Variants in NUDT3 observed in about 807,000 individuals in gnomAD.
The protein encoded by NUDT3 is diphosphoinositol polyphosphate phosphohydrolase 1.
A neutral mutation model predicts 23.6 loss-of-function variants in NUDT3; 9 were observed. The observed-to-expected ratio is 0.38, with a 90% CI of 0.23 to 0.66. The LOEUF is 0.66. NUDT3 is among the 30% of genes least tolerant of loss of function. The pLI is 0.52. For synonymous variants in NUDT3, 86 were observed against 82.6 expected (o/e 1.04, Z -0.22); for missense variants, 172 against 218.5 (o/e 0.79, Z 1.34).
At chr6:34,297,739 ATATATATATATATATATATAATTT>A (rs1561898973) in intron 2 of NUDT3, among the ~76,000 whole-genome samples, 2 of 99,146 alleles carry the variant, frequency 2.0e-5, no homozygotes, top group African/African-American at 1.0e-4. Context: ...AAATATATAT[ATATATATATATATATATATAATTT>A]TTTTTTTTTT....
At chr6:34,336,155 G>A (rs1161528343) in intron 2 of NUDT3, among the ~76,000 whole-genome samples, 3 of 152,018 alleles carry the variant, frequency 2.0e-5, no homozygotes, top group Non-Finnish European at 2.9e-5. Flanking sequence ...TGTAATCCCC[G>A]CTACTTGGGA....
chr6:34,312,994 C>T (rs1170490934), intron 2 of NUDT3, among the ~76,000 whole-genome samples: 1 of 151,810 alleles, frequency 6.6e-6, no homozygotes, highest in African/African-American at 2.4e-5. Flanking sequence ...TGGCGAAACC[C>T]CCTCTCTACT....
At chr6:34,316,979 T>C (rs1234107724) in intron 2 of NUDT3, among the ~76,000 whole-genome samples, 1 of 152,162 alleles carries the variant, frequency 6.6e-6, no homozygotes, top group Non-Finnish European at 1.5e-5. Context: ...TGAGTGGTGA[T>C]GGTGGCTTGG....
In NUDT3 at chr6:34,288,936, G is replaced by A. The variant is rs1029169497; in HGVS notation, c.341-5C>T. 4.4e-6 allele frequency: 7 copies of A among 1,595,606 alleles called. No homozygotes were observed. Among genetic ancestry groups the A allele is most frequent in the Non-Finnish European group, 6.0e-6 (7 of 1,173,528 alleles). On this transcript the variant is annotated splice_polypyrimidine_tract_variant and splice_region_variant and intron_variant, in intron 4 of 4. Transcript: ENST00000607016. ...TAAACCATTCCCTCTTCCTTCCTGT[G>A]GAGGCAGAGAGAAAAGAAACTAGTA...
At chr6:34,308,223 G>A (rs529161958) in intron 2 of NUDT3, among the ~76,000 whole-genome samples, 13 of 148,394 alleles carry the variant, frequency 8.8e-5, no homozygotes, top group Middle Eastern at 3.5e-3. Flanking sequence ...TTAGGGAGGC[G>A]GAGGTGGGAG....
At chr6:34,291,450 T>C (rs892269816) in intron 4 of NUDT3, among the ~76,000 whole-genome samples, 2 of 152,152 alleles carry the variant, frequency 1.3e-5, no homozygotes, top group African/African-American at 4.8e-5. Context: ...TGCTTGTGTA[T>C]GTCAGGATGT....
chr6:34,337,571 T>C (rs1764228178), intron 2 of NUDT3, among the ~76,000 whole-genome samples: 1 of 152,160 alleles, frequency 6.6e-6, no homozygotes, highest in African/African-American at 2.4e-5. Context: ...ATACCCTATA[T>C]CCTTCCTACT....
In NUDT3 at chr6:34,282,410, G is replaced by T. The variant is rs551316950; in HGVS notation, c.*6343C>A. The stretch of plus-strand genomic sequence containing the variant: ...GCCACGCGCCCCACCCTACAGGGAG[G>T]GGAGTAGAATCTTATGGCCCAGCAT... On this transcript the variant is annotated 3_prime_UTR_variant, in exon 5 of 5. Transcript: ENST00000607016. The T allele has an allele frequency of 6.6e-6, 1 of 152,114 alleles. No homozygotes were observed. Among genetic ancestry groups the T allele is most frequent in the Non-Finnish European group, 1.5e-5 (1 of 68,024 alleles). The allele number at this position is 152,114 out of a possible 1,614,324, so 9.4% of individuals were successfully genotyped here. A position where few individuals can be genotyped will look rare whatever the true frequency, so the allele number is the denominator to read the frequency against.
chr6:34,383,771 A>G (rs1224493312), intron 1 of NUDT3, among the ~76,000 whole-genome samples: 1 of 152,236 alleles, frequency 6.6e-6, no homozygotes, highest in Non-Finnish European at 1.5e-5. Context: ...TGGAGACTGC[A>G]GTATGAATTC....
At chr6:34,384,811 C>T (rs923026405) in intron 1 of NUDT3, among the ~76,000 whole-genome samples, 1 of 152,006 alleles carries the variant, frequency 6.6e-6, no homozygotes, top group African/African-American at 2.4e-5. Context: ...GTGGGAGGAT[C>T]GCTTGAGCTC....
chr6:34,334,737 C>T (rs2113729486), intron 2 of NUDT3, among the ~76,000 whole-genome samples: 1 of 152,084 alleles, frequency 6.6e-6, no homozygotes, highest in African/African-American at 2.4e-5. Flanking sequence ...CTAGGAGACC[C>T]TCGGCAACAT....
intron 1 of NUDT3, among the ~76,000 whole-genome samples, chr6:34,342,289 CAAAAAAAA>C (rs200954440): frequency 1.2e-3 from 79 of 66,492 alleles, no homozygotes; most frequent in Admixed American, 1.9e-3. Context: ...TAGAAGACTT[CAAAAAAAA>C]AAAAAAAAAA....
At chr6:34,328,551 T>A (rs1405498809) in intron 2 of NUDT3, among the ~76,000 whole-genome samples, 3 of 152,296 alleles carry the variant, frequency 2.0e-5, no homozygotes, top group Middle Eastern at 6.8e-3. Context: ...GTTAACAAGG[T>A]CTTGATCTGT....
At chr6:34,327,627 T>C (rs780570809) in intron 2 of NUDT3, among the ~76,000 whole-genome samples, 4 of 151,808 alleles carry the variant, frequency 2.6e-5, no homozygotes, top group Non-Finnish European at 4.4e-5. Context: ...ACCAGGAGTA[T>C]GGGAGGAACA....
intron 2 of NUDT3, among the ~76,000 whole-genome samples, chr6:34,313,262 A>G (rs1388351500): frequency 6.6e-6 from 1 of 152,184 alleles, no homozygotes; most frequent in Non-Finnish European, 1.5e-5. Flanking sequence ...TGAAAAGGCT[A>G]CATACTGTAT....
At position 34,362,014 on chromosome 6, in the gene NUDT3, G is replaced by C. The variant is rs952898880; in HGVS notation, c.100-20042C>G. ...CTTTGGGTGATAATCATGTGTCATA[G>C]TAGGCTCACTGATTGTAACAAATAT... On this transcript the variant is annotated intron_variant, in intron 1 of 4. Transcript: ENST00000607016. Among the ~76,000 whole-genome samples, 37 of 152,296 alleles carry C rather than the reference G, an allele frequency of 2.4e-4. 1 individual carries two copies. Among genetic ancestry groups the C allele is most frequent in the Non-Finnish European group, 1.3e-4 (9 of 68,026 alleles).
chr6:34,302,486 AC>A (rs1341762654), intron 2 of NUDT3, among the ~76,000 whole-genome samples: 1 of 152,202 alleles, frequency 6.6e-6, no homozygotes, highest in African/African-American at 2.4e-5. Context: ...TAATCCCAGC[AC>A]TTTGGGAGGC....
rs534074956 is a variant in NUDT3 at position 34,281,993 on chromosome 6, T to C, written c.*6760A>G. 1 of 152,354 alleles carries C rather than the reference T, an allele frequency of 6.6e-6. No homozygotes were observed. Among genetic ancestry groups the C allele is most frequent in the Non-Finnish European group, 1.5e-5 (1 of 68,040 alleles). The allele number at this position is 152,354 out of a possible 1,614,324, so 9.4% of individuals were successfully genotyped here. A position where few individuals can be genotyped will look rare whatever the true frequency, so the allele number is the denominator to read the frequency against. On this transcript the variant is annotated 3_prime_UTR_variant, in exon 5 of 5. Transcript: ENST00000607016. ...CTTTGGAAACTCTCCAAGACTTAAC[T>C]TCCGATCTGGGGAGGTTCTACGTGG...
intron 2 of NUDT3, among the ~76,000 whole-genome samples, chr6:34,334,427 T>C (rs1222081468): frequency 6.7e-6 from 1 of 148,250 alleles, no homozygotes; most frequent in African/African-American, 2.5e-5. Flanking sequence ...TCACCTGAGG[T>C]GAGGAGTTAA....
Sources: allele counts gnomAD v4.1 joint callset (sites outside exome capture counted in the v4.1 genomes callset), GRCh38; gene constraint gnomAD v4.1.1; transcripts MANE v1.5; gene names NCBI Gene and HGNC (gene_info 2026-07-23, HGNC 2026-07-21).